The following RFC3 variants were observed in gnomAD, a reference collection of about 807,000 sequenced individuals.
RFC3 encodes A1 38 kDa subunit.
Under a neutral mutation model 45.1 loss-of-function variants are expected in RFC3, and 41 were observed. The ratio of observed to expected loss-of-function variants is 0.91; its 90% CI spans 0.71 to 1.18. RFC3 has a LOEUF of 1.18. Among genes scored for constraint, RFC3 ranks in the 50% most tolerant of loss-of-function variants. The pLI, the probability that RFC3 is intolerant of heterozygous loss-of-function variation, is 0.00. For missense variants in RFC3, 423 were observed against 428.1 expected (o/e 0.99, Z 0.10); for synonymous variants, 149 against 144.0 (o/e 1.03, Z -0.25).
At position 33,861,584 on chromosome 13, in the gene RFC3, G is replaced by T. The variant is rs144210843; in HGVS notation, c.879+26367G>T. 5.7e-3 allele frequency among the ~76,000 whole-genome samples: 859 copies of T among 151,618 alleles called. 5 individuals carry two copies. The highest frequency in any genetic ancestry group is 0.02 in the African/African-American group (814 of 41,230). On this transcript the variant is annotated intron_variant, in intron 8 of 8. Coordinates refer to the RFC3 transcript ENST00000434425. ...CTCTTGAACCCAGGAGGTGGAGTTT[G>T]CAGGGAGCCGAGATCATGCCACTTC...
chr13:33,954,436 T>A (rs960468565), intron 8 of RFC3, among the ~76,000 whole-genome samples: 1 of 152,246 alleles, frequency 6.6e-6, no homozygotes, highest in Non-Finnish European at 1.5e-5. Flanking sequence ...TGGACTATGA[T>A]AATCCTACTA....
intron 8 of RFC3, among the ~76,000 whole-genome samples, chr13:33,912,492 A>C (rs2082709326): frequency 6.6e-6 from 1 of 152,120 alleles, no homozygotes; most frequent in Non-Finnish European, 1.5e-5. Flanking sequence ...CTGAGCTGGA[A>C]AGAACTGGTA....
At chr13:33,853,946 C>T (rs1339212634) in intron 8 of RFC3, among the ~76,000 whole-genome samples, 2 of 152,140 alleles carry the variant, frequency 1.3e-5, no homozygotes, top group East Asian at 1.9e-4. Context: ...GCATTTCTTA[C>T]GTGAGTTTCC....
At chr13:33,868,692 C>T (rs899311374) in intron 8 of RFC3, among the ~76,000 whole-genome samples, 2 of 152,220 alleles carry the variant, frequency 1.3e-5, no homozygotes, top group African/African-American at 4.8e-5. Context: ...TCTTGAGTGG[C>T]TTGCTGGAGC....
chr13:33,831,637 A>T (rs985528299), intron 7 of RFC3, among the ~76,000 whole-genome samples: 1 of 145,408 alleles, frequency 6.9e-6, no homozygotes, highest in Non-Finnish European at 1.5e-5. Context: ...ATCTCAGATT[A>T]CTTAACATTA....
At chr13:33,855,041 A>G (rs1411314852) in intron 8 of RFC3, among the ~76,000 whole-genome samples, 1 of 152,192 alleles carries the variant, frequency 6.6e-6, no homozygotes, top group Non-Finnish European at 1.5e-5. Context: ...TCGACTAGCG[A>G]CAAATGAGCT....
At chr13:33,910,133 A>G (rs571154476) in intron 8 of RFC3, among the ~76,000 whole-genome samples, 1 of 152,152 alleles carries the variant, frequency 6.6e-6, no homozygotes, top group East Asian at 1.9e-4. Context: ...TCACTTGTTT[A>G]TTCATTCAAC....
chr13:33,868,499 A>G (rs540101888), intron 8 of RFC3, among the ~76,000 whole-genome samples: 3 of 152,358 alleles, frequency 2.0e-5, no homozygotes, highest in African/African-American at 4.8e-5. Flanking sequence ...CCTGCAACCA[A>G]TCAGGCTGGT....
In RFC3 at chr13:33,825,238, G is replaced by C. The variant is rs187881315; in HGVS notation, c.294-551G>C. On this transcript the variant is annotated intron_variant, in intron 3 of 8. Coordinates refer to ENST00000380071, the MANE Select transcript of RFC3 (RefSeq NM_002915.4). Reference sequence around the variant, plus strand: ...GCTCAATACCTATAATAAGTCATCAGTTTACGGAGTTTTGACTTTGTGTCT... The same window carrying C: ...GCTCAATACCTATAATAAGTCATCACTTTACGGAGTTTTGACTTTGTGTCT... 4.1e-4 allele frequency among the ~76,000 whole-genome samples: 63 copies of C among 152,204 alleles called. 1 individual carries two copies. Among genetic ancestry groups the C allele is most frequent in the Admixed American group, 3.6e-3 (55 of 15,290 alleles).
chr13:33,973,542 A>C, the RFC3 span, among the ~76,000 whole-genome samples: 1 of 152,064 alleles, frequency 6.6e-6, no homozygotes, highest in African/African-American at 2.4e-5. Context: ...AAGGGTGAAG[A>C]CTGCATCTCA....
chr13:33,911,167 C>T (rs1257794024), intron 8 of RFC3, among the ~76,000 whole-genome samples: 6 of 152,008 alleles, frequency 3.9e-5, no homozygotes, highest in Admixed American at 3.9e-4. Flanking sequence ...TTCAATCACC[C>T]ATTTTACAGA....
At position 33,965,326 on chromosome 13, in the gene RFC3, C is replaced by T. The variant is rs1593723368; in HGVS notation, c.880-761C>T. Among the ~76,000 whole-genome samples, 6 of 152,156 alleles carry T rather than the reference C, an allele frequency of 3.9e-5. No individual in the cohort carries two copies. The East Asian group carries it at 9.6e-4, about 24-fold the overall frequency. On this transcript the variant is annotated intron_variant, in intron 8 of 8. Transcript: ENST00000434425. ...AAGGTAGTCCTATGAGATTCTAATA[C>T]TGTATTTTTATTGCACCTTTTTATG... is the stretch of plus-strand genomic sequence containing the variant.
intron 8 of RFC3, among the ~76,000 whole-genome samples, chr13:33,929,838 G>A (rs2137766107): frequency 6.6e-6 from 1 of 152,042 alleles, no homozygotes; most frequent in South Asian, 2.1e-4. Context: ...TAAAGTTAAG[G>A]TAAACATTTT....
intron 8 of RFC3, among the ~76,000 whole-genome samples, chr13:33,936,619 T>C (rs1024014157): frequency 6.6e-5 from 10 of 152,062 alleles, no homozygotes; most frequent in Non-Finnish European, 1.0e-4. Flanking sequence ...GGGTGATGCA[T>C]CTGCAAGCCC....
chr13:33,823,857 A>C, intron 2 of RFC3, 60 bp from the exon 3 acceptor site: 1 of 867,810 alleles, frequency 1.2e-6, no homozygotes. Context: ...ATGAAAATAC[A>C]AAAGAGTGGG....
At chr13:33,916,406 G>A (rs1290574746) in intron 8 of RFC3, among the ~76,000 whole-genome samples, 1 of 152,120 alleles carries the variant, frequency 6.6e-6, no homozygotes, top group Non-Finnish European at 1.5e-5. Context: ...CTTCACTTTA[G>A]ATAAAAATCA....
chr13:33,972,906 G>A, the RFC3 span, among the ~76,000 whole-genome samples: 4 of 152,008 alleles, frequency 2.6e-5, no homozygotes, highest in South Asian at 8.3e-4. Context: ...ATGTCAAGAG[G>A]CTTTATGGGA....
chr13:33,831,342 A>G lies in RFC3; in HGVS notation c.797A>G (p.Gln266Arg). The change falls in exon 7 of 9, where the codon CAA (glutamine) becomes CGA (arginine). Residue 266 changes from glutamine (Q) to arginine (R), a missense_variant. By Grantham distance (43) the Gln-to-Arg change is conservative. Coordinates refer to ENST00000380071, the MANE Select transcript of RFC3 (RefSeq NM_002915.4). Reference protein sequence around the residue: ...RETANAIVSQQTPQRLLEVRG... With the variant: ...RETANAIVSQRTPQRLLEVRG... ...ACTGCAAATGCTATTGTCAGTCAGC[A>G]AACTCCACAAAGGTACCAGTATAAA... 1 of 1,580,912 alleles carries G rather than the reference A, an allele frequency of 6.3e-7. No homozygotes were observed. Among genetic ancestry groups the G allele is most frequent in the Non-Finnish European group, 8.7e-7 (1 of 1,149,764 alleles).
intron 8 of RFC3, among the ~76,000 whole-genome samples, chr13:33,863,493 G>A (rs1310344357): frequency 6.6e-6 from 1 of 152,200 alleles, no homozygotes; most frequent in Non-Finnish European, 1.5e-5. Flanking sequence ...CTGTGGGTCT[G>A]TGTCATTTAA....
Sources: gnomAD v4.1 joint callset for allele counts (sites outside exome capture counted in the v4.1 genomes callset) on GRCh38, gnomAD v4.1.1 for gene constraint, MANE v1.5 for transcripts, NCBI Gene and HGNC (gene_info 2026-07-23, HGNC 2026-07-21) for gene names.